RAB6A: variants seen among roughly 807,000 people sequenced by gnomAD.
RAB6A encodes the protein RAB6A, member RAS oncogene family.
RAB6A carries 8 observed loss-of-function variants against 32.3 expected under a neutral mutation model. That is an observed-to-expected ratio of 0.25 (90% confidence interval 0.15 to 0.45). RAB6A has a LOEUF of 0.45. RAB6A is among the 20% of genes least tolerant of loss of function. The pLI, the probability that RAB6A is intolerant of heterozygous loss-of-function variation, is 1.00. For missense variants in RAB6A, 104 were observed against 249.4 expected (o/e 0.42, Z 3.93); for synonymous variants, 73 against 82.1 (o/e 0.89, Z 0.60).
chr11:73,710,964 C>T (rs776864106), intron 5 of RAB6A, among the ~76,000 whole-genome samples: 8 of 152,210 alleles, frequency 5.3e-5, no homozygotes, highest in South Asian at 2.1e-4. Context: ...TATAGTTTAA[C>T]GGCTATACAG....
chr11:73,677,529 T>C lies in RAB6A; in HGVS notation c.*369A>G. 7.0e-6 allele frequency: 3 copies of C among 426,090 alleles called. No homozygotes were observed. The South Asian group carries it at 1.2e-4, about 18-fold the overall frequency. The allele number at this position is 426,090 out of a possible 1,614,324, so 26.4% of individuals were successfully genotyped here. ...GTGAGAAAAGCAAGGAGAGATAAAGTAGGCTGTGAACATACCGCTCGTTAA... is the reference window on the plus strand; with the variant it reads ...GTGAGAAAAGCAAGGAGAGATAAAGCAGGCTGTGAACATACCGCTCGTTAA... On this transcript the variant is annotated 3_prime_UTR_variant, in exon 8 of 8. Coordinates refer to ENST00000336083, the MANE Select transcript of RAB6A (RefSeq NM_198896.2).
intron 6 of RAB6A, among the ~76,000 whole-genome samples, chr11:73,693,193 CAGA>C (rs1945603055): frequency 6.6e-6 from 1 of 151,954 alleles, no homozygotes; most frequent in Non-Finnish European, 1.5e-5. Context: ...TAGGCTCAAG[CAGA>C]AGAACTGCTT....
intron 5 of RAB6A, among the ~76,000 whole-genome samples, chr11:73,711,053 G>A (rs1185427041): frequency 1.3e-5 from 2 of 152,326 alleles, no homozygotes; most frequent in South Asian, 2.1e-4. Context: ...CATAGATGCA[G>A]AGGAGCACAC....
At chr11:73,699,739 T>C (rs1945712295) in intron 6 of RAB6A, among the ~76,000 whole-genome samples, 1 of 152,308 alleles carries the variant, frequency 6.6e-6, no homozygotes, top group Non-Finnish European at 1.5e-5. Context: ...CTTTTTATTT[T>C]CCAAAGTACC....
intron 1 of RAB6A, among the ~76,000 whole-genome samples, chr11:73,754,467 A>T (rs1946715506): frequency 6.6e-6 from 1 of 152,224 alleles, no homozygotes; most frequent in Non-Finnish European, 1.5e-5. Flanking sequence ...CCGTGCCTAT[A>T]TGATGTGTAA....
chr11:73,735,372 T>C (rs1330394451), intron 1 of RAB6A, among the ~76,000 whole-genome samples: 1 of 152,162 alleles, frequency 6.6e-6, no homozygotes, highest in Non-Finnish European at 1.5e-5. Flanking sequence ...AATGAGAACA[T>C]ACTAAATGCC....
intron 1 of RAB6A, among the ~76,000 whole-genome samples, chr11:73,731,739 CACACACAT>C (rs1445134921): frequency 3.0e-5 from 3 of 100,424 alleles, no homozygotes; most frequent in Non-Finnish European, 4.0e-5. Flanking sequence ...TATACACACA[CACACACAT>C]ATTTTCTTTT....
intron 3 of RAB6A, 59 bp downstream of exon 3, chr11:73,720,787 G>T: frequency 8.0e-7 from 1 of 1,257,164 alleles, no homozygotes; most frequent in Non-Finnish European, 1.2e-6. Context: ...TGATAACTTT[G>T]ATTGCAGTTT....
At chr11:73,690,544 C>G (rs1231898669) in intron 6 of RAB6A, among the ~76,000 whole-genome samples, 2 of 124,076 alleles carry the variant, frequency 1.6e-5, no homozygotes, top group Non-Finnish European at 3.4e-5. Flanking sequence ...TGCCAAGGCA[C>G]CCAGCTAATT....
chr11:73,759,956 C>T (rs1318826158), intron 1 of RAB6A: 5 of 1,151,466 alleles, frequency 4.3e-6, no homozygotes, highest in African/African-American at 1.6e-5. Flanking sequence ...ATGCTCAAGT[C>T]GTCTCCAATT....
rs536572100 is a variant in RAB6A, at chr11:73,704,133, G to A, written c.495+3287C>T. On this transcript the variant is annotated intron_variant, in intron 6 of 7. Coordinates refer to ENST00000336083, the MANE Select transcript of RAB6A (RefSeq NM_198896.2). ...CAGAGGGGCTCATACCTATAATCTCGAAATCTTCGAGGCCAAGTTGGGAGG... is the reference window on the plus strand; with the variant it reads ...CAGAGGGGCTCATACCTATAATCTCAAAATCTTCGAGGCCAAGTTGGGAGG... The A allele has an allele frequency of 1.8e-4, 67 of 378,066 alleles. 1 individual carries two copies. Among genetic ancestry groups the A allele is most frequent in the Admixed American group, 7.5e-4 (27 of 36,164 alleles). 23.4% of individuals were successfully genotyped at this position (378,066 alleles called of 1,614,324 possible).
At chr11:73,759,015 A>T (rs1044238874) in intron 1 of RAB6A, among the ~76,000 whole-genome samples, 4 of 152,230 alleles carry the variant, frequency 2.6e-5, no homozygotes, top group African/African-American at 7.2e-5. Context: ...GAAAGGAGAA[A>T]AATGATTTCC....
rs1456116580 is a variant in RAB6A, at chr11:73,676,085, T to C, written c.*1813A>G. ...TCTCTATTCAGATCCATAATCCAAG[T>C]GCTCTCTGAATATTACAAGGTGACA... On this transcript the variant is annotated 3_prime_UTR_variant, in exon 8 of 8. Coordinates refer to ENST00000336083, the MANE Select transcript of RAB6A (RefSeq NM_198896.2). 4 of 167,106 alleles carry C rather than the reference T, an allele frequency of 2.4e-5. No homozygotes were observed. Among genetic ancestry groups the C allele is most frequent in the African/African-American group, 9.6e-5 (4 of 41,454 alleles). 10.4% of individuals were successfully genotyped at this position (167,106 alleles called of 1,614,324 possible).
At chr11:73,731,143 C>T (rs1328306113) in intron 1 of RAB6A, among the ~76,000 whole-genome samples, 2 of 152,106 alleles carry the variant, frequency 1.3e-5, no homozygotes, top group Non-Finnish European at 2.9e-5. Context: ...TTAATGGAGG[C>T]TTAGGTCCAC....
At chr11:73,759,940 C>T in intron 1 of RAB6A, 2 of 1,016,550 alleles carry the variant, frequency 2.0e-6, no homozygotes, top group Non-Finnish European at 2.6e-6. Context: ...CACCCCCAAC[C>T]ACCCCATGCT....
intron 1 of RAB6A, among the ~76,000 whole-genome samples, chr11:73,734,668 A>T (rs1212788339): frequency 6.6e-6 from 1 of 152,152 alleles, no homozygotes; most frequent in Non-Finnish European, 1.5e-5. Context: ...ACAGTTCACT[A>T]TAGGGTTCTC....
At chr11:73,705,491 T>G (rs540067330) in intron 6 of RAB6A, among the ~76,000 whole-genome samples, 2 of 152,170 alleles carry the variant, frequency 1.3e-5, no homozygotes, top group East Asian at 3.9e-4. Context: ...GAGGTTGCAG[T>G]GAGCCGAGAT....
At chr11:73,695,546 A>T (rs1459311320) in intron 6 of RAB6A, among the ~76,000 whole-genome samples, 2 of 151,910 alleles carry the variant, frequency 1.3e-5, no homozygotes, top group Non-Finnish European at 2.9e-5. Flanking sequence ...TGTCTGGCTA[A>T]TTTTTTTGTA....
chr11:73,758,723 T>C (rs769470781), intron 1 of RAB6A, among the ~76,000 whole-genome samples: 8 of 152,192 alleles, frequency 5.3e-5, no homozygotes, highest in African/African-American at 1.4e-4. Context: ...GCAAACTAAA[T>C]AGCTGTGCAT....
Sources: allele counts gnomAD v4.1 joint callset (sites outside exome capture counted in the v4.1 genomes callset), GRCh38; gene constraint gnomAD v4.1.1; transcripts MANE v1.5; gene names NCBI Gene and HGNC (gene_info 2026-07-23, HGNC 2026-07-21).